DOCK8: variants seen among roughly 807,000 people sequenced by gnomAD.
The protein encoded by DOCK8 is dedicator of cytokinesis 8, also known as dedicator of cytokinesis protein 8.
A neutral mutation model predicts 245.6 loss-of-function variants in DOCK8; 141 were observed. The observed-to-expected ratio is 0.57, with a 90% CI of 0.50 to 0.66. The LOEUF (loss-of-function observed/expected upper bound fraction) is 0.66. Ranked by LOEUF, DOCK8 falls within the 30% of genes least tolerant of loss-of-function variation. DOCK8 has a pLI of 0.00. For missense variants in DOCK8, 2,965 were observed against 2,603.4 expected (o/e 1.14, Z -3.02); for synonymous variants, 1,168 against 970.2 (o/e 1.20, Z -3.79).
At chr9:246,566 T>C (rs754362726) in intron 1 of DOCK8, among the ~76,000 whole-genome samples, 14 of 152,124 alleles carry the variant, frequency 9.2e-5, no homozygotes, top group Non-Finnish European at 1.9e-4. Context: ...ATTTTTTGTC[T>C]GACAGAGACA....
intron 15 of DOCK8, chr9:369,967 A>T: frequency 2.1e-6 from 1 of 484,910 alleles, no homozygotes; most frequent in East Asian, 4.0e-5. Flanking sequence ...ACGCCTGGCT[A>T]ATTTTTGTAT....
intron 17 of DOCK8, 82 bp downstream of exon 17, chr9:371,648 A>G: frequency 1.9e-6 from 3 of 1,574,946 alleles, no homozygotes; most frequent in Non-Finnish European, 2.6e-6. Context: ...ACCAAATTCT[A>G]TTCACTTGAT....
At chr9:436,823 A>G (rs998649608) in intron 39 of DOCK8, among the ~76,000 whole-genome samples, 5 of 152,232 alleles carry the variant, frequency 3.3e-5, no homozygotes, top group African/African-American at 1.2e-4. Context: ...CTAACCAGAG[A>G]GACGTAATAT....
intron 2 of DOCK8, among the ~76,000 whole-genome samples, chr9:279,885 G>A (rs994738314): frequency 1.3e-5 from 2 of 152,228 alleles, no homozygotes; most frequent in South Asian, 2.1e-4. Context: ...GCCAGGTCCT[G>A]TGTGACTGCA....
At chr9:366,120 C>T (rs536390276) in intron 14 of DOCK8, 3 of 164,924 alleles carry the variant, frequency 1.8e-5, no homozygotes, top group Non-Finnish European at 2.7e-5. Context: ...CTAGGTGCCT[C>T]CTGGCCTGAG....
At chr9:374,265 A>G (rs563265255) in intron 18 of DOCK8, among the ~76,000 whole-genome samples, 61 of 152,274 alleles carry the variant, frequency 4.0e-4, no homozygotes, top group African/African-American at 1.1e-3. Flanking sequence ...GTATGTGGCT[A>G]TTGAGGAAAA....
At chr9:430,482 G>T (rs1312109552) in intron 36 of DOCK8, among the ~76,000 whole-genome samples, 1 of 152,034 alleles carries the variant, frequency 6.6e-6, no homozygotes, top group African/African-American at 2.4e-5. Context: ...AGGAGTCCAA[G>T]ACTAGCCTGG....
At position 379,826 on chromosome 9, in the gene DOCK8, C is replaced by T; in HGVS notation, c.2496C>T (p.His832=). ...TGGTGGCCATCGCCAACAGTCTGCA[C>T]AACAGCAAGGACCTGAGCAAGGACC... is the stretch of plus-strand genomic sequence containing the variant. ...ESVVAIANSL[H]NSKDLSKDQH... Residue 832 remains histidine (H), a synonymous_variant, in exon 21 of 48, where the codon CAC becomes CAT. Transcript: ENST00000432829. The T allele has an allele frequency of 6.2e-7, 1 of 1,614,226 alleles. No individual in the cohort carries two copies. The highest frequency in any genetic ancestry group is 8.5e-7 in the Non-Finnish European group (1 of 1,180,038).
chr9:413,707 T>C (rs1042585607), intron 28 of DOCK8, among the ~76,000 whole-genome samples: 2 of 152,192 alleles, frequency 1.3e-5, no homozygotes, highest in African/African-American at 2.4e-5. Context: ...TAAATACCAC[T>C]TGATACCCAC....
intron 14 of DOCK8, among the ~76,000 whole-genome samples, chr9:347,558 T>C (rs2051956702): frequency 6.6e-6 from 1 of 152,174 alleles, no homozygotes. Context: ...GGAAGCCCAG[T>C]ACTTGGTTTT....
chr9:274,340 C>T (rs535572966), intron 2 of DOCK8, among the ~76,000 whole-genome samples: 1 of 152,296 alleles, frequency 6.6e-6, no homozygotes, highest in African/African-American at 2.4e-5. Flanking sequence ...GAATATATTA[C>T]TCCCAGTTAT....
At chr9:428,097 G>A (rs961466219) in intron 34 of DOCK8, among the ~76,000 whole-genome samples, 6 of 152,198 alleles carry the variant, frequency 3.9e-5, no homozygotes, top group African/African-American at 1.4e-4. Flanking sequence ...ATGTGACCCA[G>A]GATGAGGGAG....
Position 278,134 on chromosome 9 carries a change from G to A in DOCK8, c.156+6405G>A, listed in dbSNP as rs572971038. 2.0e-5 allele frequency among the ~76,000 whole-genome samples: 3 copies of A among 151,932 alleles called. No homozygotes were observed. The South Asian group carries it at 6.3e-4, about 32-fold the overall frequency. ...GGAAGATAAAAGGAAAGAGTGGCAG[G>A]CATTCTGCACACAGAGCAGACGTTT... On this transcript the variant is annotated intron_variant, in intron 2 of 47. Coordinates refer to ENST00000432829, the MANE Select transcript of DOCK8 (RefSeq NM_203447.4).
At chr9:242,345 G>A (rs1003123570) in intron 1 of DOCK8, among the ~76,000 whole-genome samples, 5 of 152,046 alleles carry the variant, frequency 3.3e-5, no homozygotes, top group African/African-American at 1.2e-4. Flanking sequence ...GAAGTGGAAA[G>A]GTCTACTGTG....
At chr9:428,254 ACT>A in intron 34 of DOCK8, 106 bp from the exon 35 acceptor site, 2 of 1,570,814 alleles carry the variant, frequency 1.3e-6, no homozygotes, top group Non-Finnish European at 1.7e-6. Flanking sequence ...AACTCTTAAG[ACT>A]CACCACTGGA....
At chr9:214,278 G>T, upstream of DOCK8, 1 of 523,832 alleles carries the variant, frequency 1.9e-6, no homozygotes, top group Non-Finnish European at 3.3e-6. Context: ...CGCCTTCAGT[G>T]TTTCTCCGGA....
At chr9:234,410 G>A (rs371962578) in intron 1 of DOCK8, among the ~76,000 whole-genome samples, 22 of 152,096 alleles carry the variant, frequency 1.4e-4, no homozygotes, top group South Asian at 4.1e-4. Flanking sequence ...TCTTTGTGGC[G>A]TTCTCTGTAT....
chr9:356,893 A>G (rs969240683), intron 14 of DOCK8, among the ~76,000 whole-genome samples: 1 of 152,340 alleles, frequency 6.6e-6, no homozygotes, highest in South Asian at 2.1e-4. Context: ...ATCATTTTCA[A>G]TCAGGATCGG....
chr9:324,892 T>C (rs1211320213), intron 7 of DOCK8, among the ~76,000 whole-genome samples: 3 of 152,278 alleles, frequency 2.0e-5, no homozygotes, highest in Non-Finnish European at 4.4e-5. Flanking sequence ...TGTATAGTAG[T>C]AAAGTTTGAG....
Sources: allele counts gnomAD v4.1 joint callset (sites outside exome capture counted in the v4.1 genomes callset), GRCh38; gene constraint gnomAD v4.1.1; transcripts MANE v1.5; gene names NCBI Gene and HGNC (gene_info 2026-07-23, HGNC 2026-07-21).